FANCI: variants seen among roughly 807,000 people sequenced by gnomAD.
FANCI encodes Fanconi anemia group I protein.
FANCI carries 156 observed loss-of-function variants against 176.1 expected under a neutral mutation model. The ratio of observed to expected loss-of-function variants is 0.89; its 90% CI spans 0.78 to 1.01. The LOEUF is 1.01. Ranked by LOEUF, FANCI falls within the 50% of genes least tolerant of loss-of-function variation. The pLI is 0.00. For missense variants in FANCI, 1,678 were observed against 1,534.1 expected (o/e 1.09, Z -1.57); for synonymous variants, 613 against 541.7 (o/e 1.13, Z -1.83).
intron 16 of FANCI, chr15:89,282,093 A>G (rs1478418007): frequency 2.2e-6 from 1 of 450,662 alleles, no homozygotes; most frequent in Non-Finnish European, 4.1e-6. Flanking sequence ...AGAGAAGATG[A>G]GTGACTTTCC....
At chr15:89,260,910 A>C (rs1353117022) in intron 4 of FANCI, 67 bp downstream of exon 4, 1 of 1,591,714 alleles carries the variant, frequency 6.3e-7, no homozygotes, top group Non-Finnish European at 8.6e-7. Context: ...TGTTGAGGGA[A>C]GGAAAACTTA....
chr15:89,300,419 G>T (rs111610893), intron 26 of FANCI, 34 bp downstream of exon 26: 2 of 1,585,982 alleles, frequency 1.3e-6, no homozygotes, highest in South Asian at 1.1e-5. Context: ...GTACTGGCCT[G>T]AGAGGCTTTG....
At chr15:89,307,907 T>C (rs765403197) in intron 34 of FANCI, 97 of 1,399,718 alleles carry the variant, frequency 6.9e-5, no homozygotes, top group Middle Eastern at 5.4e-4. Flanking sequence ...TGTTTGCATT[T>C]GGAGCAAGGA....
chr15:89,316,221 G>T, intron 37 of FANCI, 176 bp from the exon 38 acceptor site: 1 of 674,178 alleles, frequency 1.5e-6, no homozygotes, highest in Non-Finnish European at 2.6e-6. Context: ...TCTACACTTT[G>T]GAGGACTCCT....
chr15:89,284,810 G>C lies in FANCI; in HGVS notation c.1699-286G>C, dbSNP rs137927865. 1.4e-3 allele frequency among the ~76,000 whole-genome samples: 216 copies of C among 152,242 alleles called. 8 individuals are homozygous for C. The East Asian group carries it at 0.034, about 24-fold the overall frequency. ...TATATTGTTACTACTGGATTCTAGT[G>C]GCTTGAAATAAGCAGTGTACCTTCC... On this transcript the variant is annotated intron_variant, in intron 17 of 37. Transcript: ENST00000310775.
At chr15:89,292,634 A>G (rs985219652) in intron 20 of FANCI, 54 bp from the exon 21 acceptor site, 1 of 1,546,634 alleles carries the variant, frequency 6.5e-7, no homozygotes, top group Non-Finnish European at 8.9e-7. Flanking sequence ...GAACAACTTT[A>G]TAAGTTATCC....
chr15:89,264,675 A>G (rs2052863100), intron 9 of FANCI, 68 bp downstream of exon 9: 17 of 1,449,160 alleles, frequency 1.2e-5, no homozygotes, highest in South Asian at 2.4e-5. Context: ...TATTTTAGCT[A>G]TTTCATTTTC....
At chr15:89,270,276 C>T (rs2053150472) in intron 10 of FANCI, among the ~76,000 whole-genome samples, 1 of 152,180 alleles carries the variant, frequency 6.6e-6, no homozygotes, top group African/African-American at 2.4e-5. Flanking sequence ...TATTAGCTAC[C>T]TTACTATTTG....
intron 15 of FANCI, 141 bp downstream of exon 15, chr15:89,281,441 G>A: frequency 9.5e-7 from 1 of 1,057,260 alleles, no homozygotes; most frequent in Non-Finnish European, 1.4e-6. Flanking sequence ...GCATTAAAAG[G>A]GCAAGAGCAT....
At chr15:89,288,284 C>A (rs1341170989) in intron 18 of FANCI, among the ~76,000 whole-genome samples, 1 of 152,148 alleles carries the variant, frequency 6.6e-6, no homozygotes, top group African/African-American at 2.4e-5. Flanking sequence ...GATAGGCAGT[C>A]TTAGACTTCA....
In FANCI at chr15:89,270,511, AT is replaced by A. The variant is rs902674347; in HGVS notation, c.882+1996del. On this transcript the variant is annotated intron_variant, in intron 10 of 37. Coordinates refer to ENST00000310775, the MANE Select transcript of FANCI (RefSeq NM_001113378.2). ...ACCAGGAATTCAAATTTTATATCTT[AT>A]TTTTTTTTTCTTTTTTTTGTCCTCA... Among the ~76,000 whole-genome samples, 770 of 148,590 alleles carry A rather than the reference AT, an allele frequency of 5.2e-3. 7 individuals carry two copies. Among genetic ancestry groups the A allele is most frequent in the East Asian group, 0.029 (148 of 5,080 alleles).
At position 89,305,227 on chromosome 15, in the gene FANCI, G is replaced by T. The variant is rs564447394; in HGVS notation, c.3171G>T (p.Leu1057=). The stretch of plus-strand genomic sequence containing the variant: ...TGTCCCAGGATATCCACGGGCATCT[G>T]GGAGATATAGACCAGGTACTATAAT... ...RDLSQDIHGH[L]GDIDQDVEVE... The change falls in exon 29 of 38, where the codon CTG becomes CTT. Residue 1057 remains leucine, a synonymous_variant. Transcript: ENST00000310775. 3 of 1,614,088 alleles carry T rather than the reference G, an allele frequency of 1.9e-6. No individual in the cohort carries two copies. The African/African-American group carries it at 4.0e-5, about 22-fold the overall frequency.
intron 24 of FANCI, among the ~76,000 whole-genome samples, chr15:89,296,223 C>T (rs868400479): frequency 1.1e-4 from 17 of 150,482 alleles, no homozygotes; most frequent in African/African-American, 3.9e-4. Context: ...CCTGGCCTCC[C>T]AAAGTGCTGG....
chr15:89,300,206 G>T (rs2054475759), intron 25 of FANCI, 94 bp from the exon 26 acceptor site: 5 of 1,275,896 alleles, frequency 3.9e-6, no homozygotes, highest in Non-Finnish European at 1.1e-6. Context: ...TCTGCCTTTA[G>T]ACTTTTTTTT....
chr15:89,270,448 C>A (rs894030833), intron 10 of FANCI, among the ~76,000 whole-genome samples: 2 of 152,112 alleles, frequency 1.3e-5, no homozygotes, highest in African/African-American at 4.8e-5. Context: ...TTTCGTTTTC[C>A]CATCTATTGA....
intron 23 of FANCI, 122 bp from the exon 24 acceptor site, chr15:89,294,793 A>C: frequency 1.0e-6 from 1 of 986,052 alleles, no homozygotes; most frequent in South Asian, 1.8e-5. Context: ...TGCCAGTCGG[A>C]ACTTACTGGC....
intron 23 of FANCI, among the ~76,000 whole-genome samples, chr15:89,294,407 G>A (rs2054176592): frequency 6.6e-6 from 1 of 152,082 alleles, no homozygotes; most frequent in Non-Finnish European, 1.5e-5. Flanking sequence ...CCGATATGGT[G>A]CGACCTCATC....
At chr15:89,271,183 A>G (rs190285158) in intron 10 of FANCI, among the ~76,000 whole-genome samples, 17 of 152,186 alleles carry the variant, frequency 1.1e-4, no homozygotes, top group Non-Finnish European at 1.6e-4. Flanking sequence ...GCACAAAATT[A>G]TTTTATTCTA....
intron 19 of FANCI, 92 bp from the exon 20 acceptor site, chr15:89,291,521 C>A: frequency 2.1e-6 from 2 of 954,410 alleles, no homozygotes; most frequent in Non-Finnish European, 3.4e-6. Context: ...TGTTAGAAGG[C>A]ATTAGACATT....
Sources: gnomAD v4.1 joint callset for allele counts (sites outside exome capture counted in the v4.1 genomes callset) on GRCh38, gnomAD v4.1.1 for gene constraint, MANE v1.5 for transcripts, NCBI Gene and HGNC (gene_info 2026-07-23, HGNC 2026-07-21) for gene names.